The following ANKFN1 variants were observed in gnomAD, a reference collection of about 807,000 sequenced individuals.
The protein encoded by ANKFN1 is ankyrin repeat and fibronectin type III domain containing 1.
A neutral mutation model predicts 108.7 loss-of-function variants in ANKFN1; 74 were observed. The observed-to-expected ratio is 0.68, with a 90% CI of 0.56 to 0.83. ANKFN1 has a LOEUF of 0.83. Ranked by LOEUF, ANKFN1 falls within the 40% of genes least tolerant of loss-of-function variation. The probability of loss-of-function intolerance (pLI) is 0.00; values close to 1 mark genes in which losing one functional copy is unlikely to be tolerated. For synonymous variants in ANKFN1, 547 were observed against 516.2 expected, an observed-to-expected ratio of 1.06 and a Z score of -0.81; for missense variants, 1,505 against 1,382.3, an observed-to-expected ratio of 1.09 and a Z score of -1.41.
intron 8 of ANKFN1, among the ~76,000 whole-genome samples, chr17:56,402,131 G>T (rs1028657682): frequency 1.3e-5 from 2 of 151,980 alleles, no homozygotes; most frequent in Non-Finnish European, 2.9e-5. Context: ...CTATGTTCAT[G>T]AAGGATATCA....
intron 3 of ANKFN1, among the ~76,000 whole-genome samples, chr17:56,235,493 C>A (rs905431237): frequency 2.6e-5 from 4 of 152,162 alleles, no homozygotes; most frequent in Admixed American, 2.0e-4. Context: ...TTGGGTTTTA[C>A]ATTTAATTCT....
chr17:56,510,019 G>A (rs1401995962), intron 20 of ANKFN1, among the ~76,000 whole-genome samples: 2 of 152,154 alleles, frequency 1.3e-5, no homozygotes, highest in South Asian at 2.1e-4. Flanking sequence ...TCCACCACTG[G>A]AGTCTCCTCT....
At chr17:56,170,626 G>A (rs1043649809) in intron 1 of ANKFN1, among the ~76,000 whole-genome samples, 6 of 151,030 alleles carry the variant, frequency 4.0e-5, no homozygotes, top group African/African-American at 1.5e-4. Context: ...AGCCATGCAT[G>A]GTGGCGCGTG....
intron 8 of ANKFN1, among the ~76,000 whole-genome samples, chr17:56,387,664 T>G (rs899005253): frequency 2.6e-5 from 4 of 152,136 alleles, no homozygotes; most frequent in Non-Finnish European, 5.9e-5. Context: ...GTGTGTGTTG[T>G]TTAAGTACCC....
At chr17:56,227,343 C>T (rs1233213695) in intron 2 of ANKFN1, among the ~76,000 whole-genome samples, 1 of 152,148 alleles carries the variant, frequency 6.6e-6, no homozygotes, top group Admixed American at 6.6e-5. Flanking sequence ...CTTTTACCAA[C>T]ATCTTGAATA....
Position 56,511,833 on chromosome 17 carries a change from G to T in ANKFN1, c.*564G>T, listed in dbSNP as rs540316442. Among the ~76,000 whole-genome samples, 15 of 152,262 alleles carry T rather than the reference G, an allele frequency of 9.9e-5. No homozygotes were observed. Among genetic ancestry groups the T allele is most frequent in the African/African-American group, 3.1e-4 (13 of 41,542 alleles). On this transcript the variant is annotated 3_prime_UTR_variant, in exon 21 of 21. Coordinates refer to ENST00000682825, the MANE Select transcript of ANKFN1 (RefSeq NM_001370326.1). The stretch of plus-strand genomic sequence containing the variant: ...CATTCCAAAGTGCAGAATTCTCAGG[G>T]CTCACCTTATCCAATTTATCCATCA...
intron 20 of ANKFN1, among the ~76,000 whole-genome samples, chr17:56,507,859 T>A (rs1264911089): frequency 6.6e-6 from 1 of 152,204 alleles, no homozygotes. Flanking sequence ...CCTGGCCACC[T>A]TATCGAAAGC....
intron 3 of ANKFN1, among the ~76,000 whole-genome samples, chr17:56,254,816 A>C (rs1047462303): frequency 1.3e-5 from 2 of 152,132 alleles, no homozygotes; most frequent in Non-Finnish European, 2.9e-5. Context: ...GTGAGGAGGG[A>C]GGCTGATGAA....
chr17:56,092,238 A>G (rs1047796745), intron 4 of ANKFN1, among the ~76,000 whole-genome samples: 2 of 149,438 alleles, frequency 1.3e-5, no homozygotes, highest in African/African-American at 4.9e-5. Context: ...TGTCTGCATC[A>G]CAATGTAGGC....
chr17:56,358,161 T>A (rs2046422739), intron 6 of ANKFN1, among the ~76,000 whole-genome samples: 1 of 152,200 alleles, frequency 6.6e-6, no homozygotes, highest in Non-Finnish European at 1.5e-5. Context: ...CCAGGGTTTC[T>A]AACAAGGTTA....
chr17:56,257,635 CG>C (rs961655449), intron 3 of ANKFN1, among the ~76,000 whole-genome samples: 3 of 152,180 alleles, frequency 2.0e-5, no homozygotes, highest in Non-Finnish European at 2.9e-5. Context: ...AATGAGGACA[CG>C]GGGCCTGTTC....
intron 6 of ANKFN1, among the ~76,000 whole-genome samples, chr17:56,356,551 AC>A (rs1567940373): frequency 6.6e-6 from 1 of 152,212 alleles, no homozygotes; most frequent in Non-Finnish European, 1.5e-5. Flanking sequence ...TGCTAAGCTT[AC>A]CATATCCATG....
At chr17:56,163,134 CAG>C (rs1308626201) in intron 1 of ANKFN1, among the ~76,000 whole-genome samples, 2 of 151,908 alleles carry the variant, frequency 1.3e-5, no homozygotes, top group African/African-American at 4.8e-5. Flanking sequence ...CTCACCAGAA[CAG>C]AGATAAACAG....
intron 4 of ANKFN1, among the ~76,000 whole-genome samples, chr17:56,102,191 C>T (rs1401840765): frequency 3.3e-5 from 5 of 152,176 alleles, no homozygotes; most frequent in Admixed American, 6.5e-5. Flanking sequence ...AGTAATGCAT[C>T]GCCCCCTGCC....
chr17:56,237,241 C>A (rs1917222602), intron 3 of ANKFN1, among the ~76,000 whole-genome samples: 1 of 152,056 alleles, frequency 6.6e-6, no homozygotes, highest in South Asian at 2.1e-4. Context: ...GTGTCTCTAC[C>A]AAGTTTTAGT....
chr17:56,428,728 G>A (rs1051607335), intron 8 of ANKFN1, among the ~76,000 whole-genome samples: 1 of 152,140 alleles, frequency 6.6e-6, no homozygotes, highest in Non-Finnish European at 1.5e-5. Context: ...CTCCCAGAGT[G>A]CTGGGATTAC....
intron 3 of ANKFN1, among the ~76,000 whole-genome samples, chr17:56,240,132 A>T (rs1917467437): frequency 6.6e-6 from 1 of 152,164 alleles, no homozygotes; most frequent in Non-Finnish European, 1.5e-5. Flanking sequence ...AAATTACTTT[A>T]AATATAATTA....
chr17:56,508,290 A>C (rs1486431537), intron 20 of ANKFN1, among the ~76,000 whole-genome samples: 2 of 152,176 alleles, frequency 1.3e-5, no homozygotes, highest in East Asian at 3.9e-4. Context: ...ACTGGCTACA[A>C]AATAAGGTAC....
intron 8 of ANKFN1, among the ~76,000 whole-genome samples, chr17:56,404,481 A>G (rs1598541826): frequency 1.3e-5 from 2 of 152,262 alleles, no homozygotes; most frequent in South Asian, 4.2e-4. Context: ...TTGCATTTCT[A>G]AAAGTGTGTC....
Sources: gnomAD v4.1 joint callset for allele counts (sites outside exome capture counted in the v4.1 genomes callset) on GRCh38, gnomAD v4.1.1 for gene constraint, MANE v1.5 for transcripts, NCBI Gene and HGNC (gene_info 2026-07-23, HGNC 2026-07-21) for gene names.